The following EPB41L3 variants were observed in gnomAD, a reference collection of about 807,000 sequenced individuals.
EPB41L3 encodes band 4.1-like protein 3.
In EPB41L3, 57 loss-of-function variants were observed where a neutral mutation model predicts 127.1. The observed-to-expected ratio is 0.45, with a 90% CI of 0.36 to 0.56. EPB41L3 has a LOEUF of 0.56. Ranked by LOEUF, EPB41L3 falls within the 20% of genes least tolerant of loss-of-function variation. The pLI is 0.00. For missense variants in EPB41L3, 1,273 were observed against 1,372.2 expected (o/e 0.93, Z 1.14); for synonymous variants, 572 against 549.5 (o/e 1.04, Z -0.57).
intron 3 of EPB41L3, among the ~76,000 whole-genome samples, chr18:5,463,363 T>C (rs1010635996): frequency 6.6e-6 from 1 of 152,176 alleles, no homozygotes; most frequent in African/African-American, 2.4e-5. Context: ...TGTATATGCC[T>C]GCACCATCCC....
At chr18:5,616,182 C>T (rs761364730) in intron 1 of EPB41L3, among the ~76,000 whole-genome samples, 5 of 152,102 alleles carry the variant, frequency 3.3e-5, no homozygotes, top group Non-Finnish European at 7.4e-5. Flanking sequence ...CTGCACAGCC[C>T]GCCCGTGAAT....
chr18:5,482,595 A>G (rs942950500), intron 2 of EPB41L3, among the ~76,000 whole-genome samples: 1 of 152,210 alleles, frequency 6.6e-6, no homozygotes, highest in Non-Finnish European at 1.5e-5. Context: ...CAGAACCCTA[A>G]AAGCAGCAAG....
chr18:5,600,328 G>A lies in EPB41L3; in HGVS notation c.-306+12012C>T, dbSNP rs925884061. On this transcript the variant is annotated intron_variant, in intron 3 of 21. Transcript: ENST00000545076. ...ATGTTTACAACCTAAAATTATATTTGGACACATAAGAGATGTAATTTTGCC... is the reference window on the plus strand; with the variant it reads ...ATGTTTACAACCTAAAATTATATTTAGACACATAAGAGATGTAATTTTGCC... Among the ~76,000 whole-genome samples, 3 of 152,072 alleles carry A rather than the reference G, an allele frequency of 2.0e-5. No homozygotes were observed. The South Asian group carries it at 6.2e-4, about 32-fold the overall frequency.
At chr18:5,462,257 T>G (rs1441170715) in intron 3 of EPB41L3, among the ~76,000 whole-genome samples, 1 of 152,202 alleles carries the variant, frequency 6.6e-6, no homozygotes, top group Admixed American at 6.5e-5. Context: ...ACATGTAATG[T>G]TATGGTTCTT....
intron 12 of EPB41L3, among the ~76,000 whole-genome samples, chr18:5,417,718 G>A (rs1383719571): frequency 2.6e-5 from 4 of 152,184 alleles, no homozygotes; most frequent in Non-Finnish European, 4.4e-5. Context: ...AAATAAAATC[G>A]TAGCTCTTCG....
chr18:5,411,872 A>G (rs1042827892), intron 13 of EPB41L3, among the ~76,000 whole-genome samples: 1 of 152,190 alleles, frequency 6.6e-6, no homozygotes, highest in Non-Finnish European at 1.5e-5. Flanking sequence ...AGGGAGGCTG[A>G]ACACATGCTC....
At chr18:5,470,994 T>C (rs894692624) in intron 3 of EPB41L3, among the ~76,000 whole-genome samples, 5 of 152,066 alleles carry the variant, frequency 3.3e-5, no homozygotes, top group African/African-American at 1.2e-4. Context: ...CTCCCTGAGG[T>C]TAGAGCTGAC....
At chr18:5,449,559 A>G (rs1038414354) in intron 3 of EPB41L3, among the ~76,000 whole-genome samples, 6 of 152,266 alleles carry the variant, frequency 3.9e-5, no homozygotes, top group Non-Finnish European at 7.3e-5. Context: ...ATAATTGCCA[A>G]AACTTGGAAG....
Position 5,489,195 on chromosome 18 carries a change from C to T in EPB41L3, c.-11-1G>A. On this transcript the variant is annotated splice_acceptor_variant, in intron 1 of 22. Coordinates refer to ENST00000341928, the MANE Select transcript of EPB41L3 (RefSeq NM_012307.5). LOFTEE classifies it low-confidence loss of function (5UTR_SPLICE). The stretch of plus-strand genomic sequence containing the variant: ...GATTCGGTCGTCATGGTTGATTGTT[C>T]TGCAAGCAGAAAAAAGGGAAGAGCA... 4 of 1,588,100 alleles carry T rather than the reference C, an allele frequency of 2.5e-6. No homozygotes were observed. Among genetic ancestry groups the T allele is most frequent in the Non-Finnish European group, 3.4e-6 (4 of 1,172,656 alleles).
intron 3 of EPB41L3, among the ~76,000 whole-genome samples, chr18:5,607,419 G>A (rs1287241347): frequency 6.6e-6 from 1 of 152,158 alleles, no homozygotes; most frequent in Non-Finnish European, 1.5e-5. Context: ...CCTTGAAAGA[G>A]GCAAGCAAGA....
chr18:5,610,003 T>C, intron 3 of EPB41L3: 1 of 666,710 alleles, frequency 1.5e-6, no homozygotes, highest in African/African-American at 2.0e-5. Flanking sequence ...GAGGACTGAG[T>C]CTAACTGGAG....
At chr18:5,498,669 A>G (rs1228986124) in intron 1 of EPB41L3, among the ~76,000 whole-genome samples, 1 of 151,664 alleles carries the variant, frequency 6.6e-6, no homozygotes. Context: ...CCCTCACAAC[A>G]GCATCCTTGA....
chr18:5,531,235 C>T (rs1301371200), intron 1 of EPB41L3, among the ~76,000 whole-genome samples: 1 of 152,144 alleles, frequency 6.6e-6, no homozygotes, highest in Non-Finnish European at 1.5e-5. Flanking sequence ...AAATTCAAGC[C>T]TTTGGATGTG....
chr18:5,596,590 G>A (rs1002380401), intron 3 of EPB41L3, among the ~76,000 whole-genome samples: 4 of 152,132 alleles, frequency 2.6e-5, no homozygotes, highest in African/African-American at 4.8e-5. Flanking sequence ...GGCAATACTA[G>A]TTTTACCTGA....
intron 3 of EPB41L3, among the ~76,000 whole-genome samples, chr18:5,565,337 G>A (rs1229305896): frequency 1.3e-5 from 2 of 152,050 alleles, no homozygotes; most frequent in Non-Finnish European, 2.9e-5. Context: ...ACTTGAACCC[G>A]GGAGGTGGAG....
At chr18:5,458,129 T>C (rs1405423502) in intron 3 of EPB41L3, among the ~76,000 whole-genome samples, 2 of 152,202 alleles carry the variant, frequency 1.3e-5, no homozygotes, top group South Asian at 2.1e-4. Context: ...TCTTTGAAAT[T>C]TGTTCATGAC....
At chr18:5,528,019 A>G (rs2093289801) in intron 1 of EPB41L3, among the ~76,000 whole-genome samples, 1 of 152,210 alleles carries the variant, frequency 6.6e-6, no homozygotes. Flanking sequence ...ACAATACCAC[A>G]AATAGTTTAG....
chr18:5,575,858 G>A (rs186098981), intron 3 of EPB41L3, among the ~76,000 whole-genome samples: 2 of 152,066 alleles, frequency 1.3e-5, no homozygotes, highest in African/African-American at 4.8e-5. Flanking sequence ...ATCTAATACA[G>A]CCTGCAGAAC....
At chr18:5,427,963 T>C (rs1173813939) in intron 9 of EPB41L3, among the ~76,000 whole-genome samples, 1 of 152,112 alleles carries the variant, frequency 6.6e-6, no homozygotes, top group Non-Finnish European at 1.5e-5. Context: ...GCCAGGATGG[T>C]CTCGATCTCC....
Sources: allele counts gnomAD v4.1 joint callset (sites outside exome capture counted in the v4.1 genomes callset), GRCh38; gene constraint gnomAD v4.1.1; transcripts MANE v1.5; gene names NCBI Gene and HGNC (gene_info 2026-07-23, HGNC 2026-07-21).